Variants in RIPOR3 observed in about 807,000 individuals in gnomAD.
RIPOR3 encodes the protein family with sequence similarity 65 member C.
A neutral mutation model predicts 114.3 loss-of-function variants in RIPOR3; 95 were observed. The observed-to-expected ratio is 0.83, with a 90% CI of 0.70 to 0.99. RIPOR3 has a LOEUF of 0.99. RIPOR3 is among the 50% of genes least tolerant of loss of function. The probability of loss-of-function intolerance (pLI) is 0.00; values close to 1 mark genes in which losing one functional copy is unlikely to be tolerated. For missense variants in RIPOR3, 1,252 were observed against 1,266.9 expected (o/e 0.99, Z 0.18); for synonymous variants, 575 against 543.8 (o/e 1.06, Z -0.80).
In RIPOR3 at chr20:50,647,573, C is replaced by T. The variant is rs923365170; in HGVS notation, c.4-16717G>A. On this transcript the variant is annotated intron_variant, in intron 1 of 21. Transcript: ENST00000327979. The stretch of plus-strand genomic sequence containing the variant: ...TCTCGGCTCACTGCAAGCTCCGCCT[C>T]CCGGGTTCACGCCATTCTCCTGCCT... Among the ~76,000 whole-genome samples, 6 of 149,758 alleles carry T rather than the reference C, an allele frequency of 4.0e-5. No homozygotes were observed. In the East Asian group the frequency reaches 1.2e-3, roughly 31 times the overall value.
At chr20:50,599,403 GAA>G (rs576479317) in intron 13 of RIPOR3, among the ~76,000 whole-genome samples, 1 of 147,162 alleles carries the variant, frequency 6.8e-6, no homozygotes, top group Admixed American at 6.8e-5. Flanking sequence ...AAAAAAAAAG[GAA>G]AAAAAAAAGC....
chr20:50,667,372 C>T (rs2086288935), intron 1 of RIPOR3, among the ~76,000 whole-genome samples: 1 of 140,578 alleles, frequency 7.1e-6, no homozygotes, highest in African/African-American at 2.6e-5. Flanking sequence ...TGGCTCACTG[C>T]AACCTCCACC....
intron 2 of RIPOR3, among the ~76,000 whole-genome samples, chr20:50,624,854 G>C (rs2084559565): frequency 6.6e-6 from 1 of 152,200 alleles, no homozygotes; most frequent in Admixed American, 6.5e-5. Context: ...TGCAGGCTCT[G>C]GAGGCAGACA....
chr20:50,630,571 ATCTCTCTC>A (rs140830420), intron 2 of RIPOR3, among the ~76,000 whole-genome samples, 159 bp downstream of exon 2: 4 of 133,044 alleles, frequency 3.0e-5, no homozygotes, highest in Non-Finnish European at 3.5e-5. Context: ...CTCAATCTCA[ATCTCTCTC>A]TCTCTCTCTC....
intron 1 of RIPOR3, among the ~76,000 whole-genome samples, chr20:50,677,871 T>C (rs1452678051): frequency 6.6e-6 from 1 of 151,662 alleles, no homozygotes; most frequent in Non-Finnish European, 1.5e-5. Flanking sequence ...GGTTTCACCA[T>C]GTTGGCCAGG....
chr20:50,649,372 G>C (rs2085522708), intron 1 of RIPOR3, among the ~76,000 whole-genome samples: 1 of 152,194 alleles, frequency 6.6e-6, no homozygotes, highest in Non-Finnish European at 1.5e-5. Flanking sequence ...TCAAACCCAG[G>C]AGGCAGAGTT....
chr20:50,658,087 C>T (rs961826311), intron 1 of RIPOR3, among the ~76,000 whole-genome samples: 4 of 152,000 alleles, frequency 2.6e-5, no homozygotes, highest in East Asian at 1.9e-4. Flanking sequence ...TTTAATCAAA[C>T]TTCTGGGTAT....
At chr20:50,652,109 C>T (rs1368710288) in intron 1 of RIPOR3, among the ~76,000 whole-genome samples, 1 of 152,244 alleles carries the variant, frequency 6.6e-6, no homozygotes, top group Non-Finnish European at 1.5e-5. Flanking sequence ...TGTGGAACCT[C>T]TTTCTCTTGA....
At chr20:50,594,441 C>CACAGAGGTGAAG (rs1294180674) in intron 17 of RIPOR3, 112 bp downstream of exon 17, 3 of 1,275,826 alleles carry the variant, frequency 2.4e-6, no homozygotes, top group South Asian at 1.5e-5. Context: ...GGCATGAAGA[C>CACAGAGGTGAAG]ACAGAGGTGA....
At chr20:50,620,509 C>G (rs1215325472) in intron 2 of RIPOR3, among the ~76,000 whole-genome samples, 2 of 152,078 alleles carry the variant, frequency 1.3e-5, no homozygotes, top group African/African-American at 4.8e-5. Flanking sequence ...TGCCTGTAAT[C>G]CCACTTACTC....
At chr20:50,622,610 A>C (rs1191557632) in intron 2 of RIPOR3, among the ~76,000 whole-genome samples, 1 of 152,106 alleles carries the variant, frequency 6.6e-6, no homozygotes, top group African/African-American at 2.4e-5. Context: ...AACAAGAGAG[A>C]AGGAACAGGC....
chr20:50,669,473 G>GA (rs920382765), intron 1 of RIPOR3, among the ~76,000 whole-genome samples: 3 of 152,174 alleles, frequency 2.0e-5, no homozygotes, highest in Admixed American at 2.0e-4. Flanking sequence ...TGGCTACCTG[G>GA]AAAATATTTG....
At chr20:50,669,574 C>T (rs2086387347) in intron 1 of RIPOR3, among the ~76,000 whole-genome samples, 1 of 152,170 alleles carries the variant, frequency 6.6e-6, no homozygotes, top group South Asian at 2.1e-4. Flanking sequence ...GTTTAGAAGT[C>T]ACCGCTGCGC....
intron 1 of RIPOR3, among the ~76,000 whole-genome samples, chr20:50,649,660 T>C (rs1568923962): frequency 6.6e-6 from 1 of 152,098 alleles, no homozygotes; most frequent in Non-Finnish European, 1.5e-5. Context: ...TCAGGCTTTA[T>C]TGCTTTTCCT....
At chr20:50,638,951 C>T (rs936221210) in intron 1 of RIPOR3, among the ~76,000 whole-genome samples, 99 of 152,210 alleles carry the variant, frequency 6.5e-4, no homozygotes, top group African/African-American at 2.2e-3. Context: ...CTGTCAAAAA[C>T]TAGAAACAGG....
Position 50,602,349 on chromosome 20 carries a change from T to C in RIPOR3, c.1382A>G (p.His461Arg). Residue 461 changes from histidine (H) to arginine (R), a missense_variant, in exon 13 of 22, where the codon CAC becomes CGC. Physicochemically the swap from His to Arg is conservative, Grantham distance 29 (BLOSUM62 0). Transcript: ENST00000327979. This position sits in a 1 kb window ranked among gnomAD's most constrained non-coding sequence, Gnocchi z 4.3. ...LPPGLLPEMA[H>R]LSGGPFAEQP... ...CTCTGCAAACGGGCCTCCAGAGAGG[T>C]GGGCCATCTCTGGCAGGAGACCTGG... 1 of 1,613,620 alleles carries C rather than the reference T, an allele frequency of 6.2e-7. No individual in the cohort carries two copies. The highest frequency in any genetic ancestry group is 1.3e-5 in the African/African-American group (1 of 75,014).
rs565297977 is a variant in RIPOR3, at chr20:50,638,722, G to C, written c.4-7866C>G. 1.2e-3 allele frequency among the ~76,000 whole-genome samples: 181 copies of C among 152,182 alleles called. 4 individuals are homozygous for C. The South Asian group carries it at 0.037, about 31-fold the overall frequency. On this transcript the variant is annotated intron_variant, in intron 1 of 21. Transcript: ENST00000327979. Reference sequence around the variant, plus strand: ...TAAAGATGGGGTAGCGGGAGGGAGCGGGGGAAGCTGGGCCTCCAAGAAGCA... The same window carrying C: ...TAAAGATGGGGTAGCGGGAGGGAGCCGGGGAAGCTGGGCCTCCAAGAAGCA...
At chr20:50,633,796 G>A (rs2084894341) in intron 1 of RIPOR3, among the ~76,000 whole-genome samples, 2 of 152,154 alleles carry the variant, frequency 1.3e-5, no homozygotes, top group Non-Finnish European at 2.9e-5. Context: ...AGAGGACGAC[G>A]AAGGAGGGAA....
At chr20:50,684,304 C>T (rs956158131) in intron 1 of RIPOR3, among the ~76,000 whole-genome samples, 2 of 152,228 alleles carry the variant, frequency 1.3e-5, no homozygotes, top group Non-Finnish European at 2.9e-5. Context: ...AAGACCTGCG[C>T]GATATGAACA....
Sources: gnomAD v4.1 joint callset for allele counts (sites outside exome capture counted in the v4.1 genomes callset) on GRCh38, gnomAD v4.1.1 for gene constraint, Gnocchi (gnomAD v3.1) non-coding constraint, MANE v1.5 for transcripts, NCBI Gene and HGNC (gene_info 2026-07-23, HGNC 2026-07-21) for gene names.